The following GTF2H3 variants were observed in gnomAD, a reference collection of about 807,000 sequenced individuals.
The protein encoded by GTF2H3 is general transcription factor IIH subunit 3.
GTF2H3 carries 42 observed loss-of-function variants against 51.1 expected under a neutral mutation model. That is an observed-to-expected ratio of 0.82 (90% confidence interval 0.64 to 1.06). GTF2H3 has a LOEUF of 1.06. GTF2H3 is among the 50% of genes least tolerant of loss of function. The pLI, the probability that GTF2H3 is intolerant of heterozygous loss-of-function variation, is 0.00. For missense variants in GTF2H3, 326 were observed against 366.1 expected, an observed-to-expected ratio of 0.89 and a Z score of 0.89; for synonymous variants, 123 against 123.8, an observed-to-expected ratio of 0.99 and a Z score of 0.04.
chr12:123,649,682 G>A (rs531088274), intron 4 of GTF2H3: 12 of 152,328 alleles, frequency 7.9e-5, no homozygotes, highest in African/African-American at 1.4e-4. Context: ...ATCACCTGGG[G>A]GAAAAGACAA....
Position 123,645,560 on chromosome 12 carries a change from A to T in GTF2H3, c.199A>T (p.Ser67Cys), listed in dbSNP as rs1417385127. ...TGTGATAGCAAGTCACATTCAAGAAAGGTATGACCATTGTGATTGCTTTTG... is the reference window on the plus strand; with the variant it reads ...TGTGATAGCAAGTCACATTCAAGAATGGTATGACCATTGTGATTGCTTTTG... The part of the protein sequence containing the change: ...LAVIASHIQE[S>C]RFLYPGKNGR... The change falls in exon 3 of 13, where the codon AGC becomes TGC. Residue 67 changes from serine (S) to cysteine (C), a missense_variant and splice_region_variant. Ser to Cys is a moderately radical substitution (Grantham distance 112). Coordinates refer to ENST00000543341, the MANE Select transcript of GTF2H3 (RefSeq NM_001516.5). 9 of 1,503,488 alleles carry T rather than the reference A, an allele frequency of 6.0e-6. No homozygotes were observed. The highest frequency in any genetic ancestry group is 8.3e-6 in the Non-Finnish European group (9 of 1,079,374). 93.1% of individuals were successfully genotyped at this position (1,503,488 alleles called of 1,614,324 possible).
intron 7 of GTF2H3, among the ~76,000 whole-genome samples, chr12:123,654,138 T>C (rs1379196269): frequency 2.0e-5 from 3 of 151,944 alleles, no homozygotes; most frequent in African/African-American, 7.2e-5. Flanking sequence ...TGTGTGTATG[T>C]GTGTATATTT....
intron 9 of GTF2H3, among the ~76,000 whole-genome samples, chr12:123,658,475 G>A (rs916498572): frequency 2.0e-5 from 3 of 152,096 alleles, no homozygotes; most frequent in African/African-American, 7.2e-5. Context: ...GATTACAGGC[G>A]TGAGCCACCG....
rs1955580226 is a variant in GTF2H3, at chr12:123,655,835, A to C, written c.615+11A>C. On this transcript the variant is annotated intron_variant, in intron 9 of 12. Coordinates refer to ENST00000543341, the MANE Select transcript of GTF2H3 (RefSeq NM_001516.5). ...GGGCTCCTCCAACAGGTATGTTTTA[A>C]AACCATGCTTTGTGTCGGTGGTTAT... The C allele has an allele frequency of 6.4e-7, 1 of 1,563,552 alleles. No homozygotes were observed. The highest frequency in any genetic ancestry group is 1.7e-5 in the Admixed American group (1 of 59,578).
At chr12:123,646,469 C>T in intron 3 of GTF2H3, among the ~76,000 whole-genome samples, 1 of 152,072 alleles carries the variant, frequency 6.6e-6, no homozygotes, top group Non-Finnish European at 1.5e-5. Flanking sequence ...ACTATGTTGC[C>T]CAGGCTGGCC....
At chr12:123,647,153 A>C (rs1221042709) in intron 3 of GTF2H3, among the ~76,000 whole-genome samples, 2 of 111,386 alleles carry the variant, frequency 1.8e-5, no homozygotes, top group African/African-American at 4.8e-5. Context: ...ACCCTGTCTC[A>C]AAAAAAAAAA....
intron 1 of GTF2H3, among the ~76,000 whole-genome samples, chr12:123,636,503 C>T (rs1037062790): frequency 2.7e-5 from 4 of 149,186 alleles, no homozygotes; most frequent in Admixed American, 7.2e-5. Flanking sequence ...GAGCCGGGCA[C>T]GGCGGCACAT....
In GTF2H3 at chr12:123,655,818, C is replaced by G; in HGVS notation, c.609C>G (p.Leu203=). The G allele has an allele frequency of 1.3e-6, 2 of 1,592,234 alleles. No individual in the cohort carries two copies. The highest frequency in any genetic ancestry group is 1.1e-5 in the South Asian group (1 of 90,360). The change falls in exon 9 of 13, where the codon CTC becomes CTG. Residue 203 remains leucine, a synonymous_variant. Coordinates refer to ENST00000543341, the MANE Select transcript of GTF2H3 (RefSeq NM_001516.5). ...ACVLDSDSGL[L]QQACDITGGL... ...TTTTAGACTCCGACTCAGGGCTCCT[C>G]CAACAGGTATGTTTTAAAACCATGC...
intron 5 of GTF2H3, among the ~76,000 whole-genome samples, chr12:123,651,694 C>A (rs1955522768): frequency 6.6e-6 from 1 of 151,970 alleles, no homozygotes; most frequent in South Asian, 2.1e-4. Context: ...GTGGCGGACA[C>A]TTGTAGTCCC....
chr12:123,654,154 G>A (rs1368332602), intron 7 of GTF2H3, among the ~76,000 whole-genome samples: 2 of 151,564 alleles, frequency 1.3e-5, no homozygotes, highest in East Asian at 1.9e-4. Flanking sequence ...TATTTTGGAT[G>A]TGTGTGTGTT....
chr12:123,654,305 G>T (rs1451461880), intron 7 of GTF2H3, among the ~76,000 whole-genome samples: 1 of 5,920 alleles, frequency 1.7e-4, no homozygotes, highest in Non-Finnish European at 3.0e-4. Flanking sequence ...TGTATTTTTT[G>T]GGGCTGTGTA....
rs1263062070 is a variant in GTF2H3, at chr12:123,644,424, T to G, written c.94-1031T>G. Reference sequence around the variant, plus strand: ...GGCTCACGCCTGTAATCCCGGCACTTTGGGAGGCCGAGGCGGGCGGATCAT... The same window carrying G: ...GGCTCACGCCTGTAATCCCGGCACTGTGGGAGGCCGAGGCGGGCGGATCAT... On this transcript the variant is annotated intron_variant, in intron 2 of 12. Coordinates refer to ENST00000543341, the MANE Select transcript of GTF2H3 (RefSeq NM_001516.5). Among the ~76,000 whole-genome samples, 3 of 152,064 alleles carry G rather than the reference T, an allele frequency of 2.0e-5. No homozygotes were observed. In the East Asian group the frequency reaches 5.8e-4, roughly 29 times the overall value.
At chr12:123,655,549 A>T (rs1274928600) in intron 8 of GTF2H3, 1 of 467,688 alleles carries the variant, frequency 2.1e-6, no homozygotes, top group East Asian at 3.4e-5. Flanking sequence ...CTTTGGAGAC[A>T]TGCCGAGTGG....
intron 5 of GTF2H3, 76 bp downstream of exon 5, chr12:123,651,132 C>A (rs1955514813): frequency 9.5e-7 from 1 of 1,052,332 alleles, no homozygotes. Flanking sequence ...TTTCTTAGGA[C>A]CTTGGGTGCC....
chr12:123,645,371 A>G, intron 2 of GTF2H3, 84 bp from the exon 3 acceptor site: 3 of 767,120 alleles, frequency 3.9e-6, no homozygotes, highest in Non-Finnish European at 6.8e-6. Flanking sequence ...CACCCAGCCT[A>G]AACGACATCT....
chr12:123,656,104 A>G (rs543477787), intron 9 of GTF2H3: 34 of 294,024 alleles, frequency 1.2e-4, no homozygotes, highest in African/African-American at 7.2e-4. Flanking sequence ...GTCTGAAGAA[A>G]TTACTGAGTT....
intron 2 of GTF2H3, chr12:123,639,942 TTG>T (rs1434702539): frequency 2.2e-6 from 1 of 455,950 alleles, no homozygotes; most frequent in East Asian, 6.9e-5. Flanking sequence ...ATTCATTGAT[TTG>T]TGTGTCCATC....
At chr12:123,653,207 A>T (rs1258739432) in intron 7 of GTF2H3, among the ~76,000 whole-genome samples, 3 of 152,224 alleles carry the variant, frequency 2.0e-5, no homozygotes, top group African/African-American at 7.2e-5. Context: ...ACTGATGATA[A>T]GGAAAACTAA....
Position 123,659,874 on chromosome 12 carries a change from G to C in GTF2H3, c.764G>C (p.Cys255Ser). ...PPVHVDYRAACFCHRNLIEIG... is the reference protein window; with the variant it reads ...PPVHVDYRAASFCHRNLIEIG... ...GTTCATGTTGACTACAGGGCTGCTT[G>C]CTTCTGTCATCGAAATCTCATTGAA... The change falls in exon 11 of 13, where the codon TGC becomes TCC. Residue 255 changes from cysteine (C) to serine (S), a missense_variant. Physicochemically the swap from Cys to Ser is moderately radical, Grantham distance 112. Transcript: ENST00000543341. 1 of 1,613,962 alleles carries C rather than the reference G, an allele frequency of 6.2e-7. No homozygotes were observed.
Sources: allele counts gnomAD v4.1 joint callset (sites outside exome capture counted in the v4.1 genomes callset), GRCh38; gene constraint gnomAD v4.1.1; transcripts MANE v1.5; gene names NCBI Gene and HGNC (gene_info 2026-07-23, HGNC 2026-07-21).